The following RELN variants were observed in gnomAD, a reference collection of about 807,000 sequenced individuals.
The protein encoded by RELN is reelin.
RELN carries 108 observed loss-of-function variants against 427.6 expected under a neutral mutation model. The ratio of observed to expected loss-of-function variants is 0.25; its 90% CI spans 0.22 to 0.30. The LOEUF (loss-of-function observed/expected upper bound fraction) is 0.30. RELN is among the 10% of genes least tolerant of loss of function. The pLI is 1.00. For synonymous variants in RELN, 1,524 were observed against 1,513.4 expected (o/e 1.01, Z -0.16); for missense variants, 3,715 against 4,302.8 (o/e 0.86, Z 3.82).
At chr7:103,490,047 G>A (rs2116999864) in intron 59 of RELN, 148 bp from the exon 60 acceptor site, 1 of 892,152 alleles carries the variant, frequency 1.1e-6, no homozygotes, top group Non-Finnish European at 1.8e-6. Context: ...AGAGGTGAGA[G>A]AACTTGTATT....
chr7:103,748,260 G>C (rs2116058459), intron 6 of RELN, among the ~76,000 whole-genome samples: 1 of 151,226 alleles, frequency 6.6e-6, no homozygotes, highest in East Asian at 1.9e-4. Flanking sequence ...TAAAGTATAA[G>C]ACTTTATGAC....
intron 8 of RELN, among the ~76,000 whole-genome samples, chr7:103,710,738 G>T: frequency 6.6e-6 from 1 of 152,160 alleles, no homozygotes; most frequent in Non-Finnish European, 1.5e-5. Flanking sequence ...GTTGTCACAG[G>T]AAAGGTGATT....
intron 45 of RELN, among the ~76,000 whole-genome samples, chr7:103,538,320 GGAA>G (rs3842179): frequency 0.061 from 9,268 of 152,178 alleles, 435 homozygotes; most frequent in East Asian, 0.19. Context: ...TTTGTCTGTT[GGAA>G]GAAGAGTTAT....
intron 41 of RELN, 110 bp from the exon 42 acceptor site, chr7:103,545,454 CAAGA>C: frequency 1.3e-6 from 1 of 754,380 alleles, no homozygotes; most frequent in Non-Finnish European, 2.3e-6. Context: ...GCTCAACACC[CAAGA>C]AATAGAAAAC....
intron 3 of RELN, among the ~76,000 whole-genome samples, chr7:103,807,580 C>T (rs1020250704): frequency 2.0e-5 from 3 of 152,172 alleles, no homozygotes; most frequent in East Asian, 1.9e-4. Flanking sequence ...AGCATAGTCC[C>T]GATAGGTAGC....
chr7:103,969,025 C>T (rs1301601921), intron 1 of RELN, among the ~76,000 whole-genome samples: 2 of 152,108 alleles, frequency 1.3e-5, no homozygotes, highest in Non-Finnish European at 2.9e-5. Flanking sequence ...ATACTAGTAC[C>T]TACCTCATAA....
chr7:103,577,558 CAAA>C (rs11323336), intron 28 of RELN, among the ~76,000 whole-genome samples: 38 of 113,524 alleles, frequency 3.3e-4, no homozygotes, highest in Non-Finnish European at 3.4e-4. Flanking sequence ...AAAGCAAAAG[CAAA>C]AAAAAAAAAA....
intron 1 of RELN, among the ~76,000 whole-genome samples, chr7:103,961,677 C>T (rs1249902267): frequency 1.3e-5 from 2 of 152,126 alleles, no homozygotes; most frequent in South Asian, 2.1e-4. Flanking sequence ...CCTCGTGGGT[C>T]TGAATTCTGC....
Position 103,962,651 on chromosome 7 carries a change from T to C in RELN, c.226+26480A>G, listed in dbSNP as rs532751657. ...GATTTTCCATTCCAAAGTTGTTGTG[T>C]GTGTGTGTGTGTGTGTGTGTGTGTG... On this transcript the variant is annotated intron_variant, in intron 1 of 64. Coordinates refer to ENST00000428762, the MANE Select transcript of RELN (RefSeq NM_005045.4). Among the ~76,000 whole-genome samples, 6 of 15,224 alleles carry C rather than the reference T, an allele frequency of 3.9e-4. No individual in the cohort carries two copies. In the South Asian group the frequency reaches 7.8e-3, roughly 20 times the overall value. The allele number at this position is 15,224 out of a possible 152,430, so 10.0% of individuals were successfully genotyped here.
chr7:103,832,991 G>T (rs1456889283), intron 3 of RELN, among the ~76,000 whole-genome samples: 1 of 152,028 alleles, frequency 6.6e-6, no homozygotes, highest in Non-Finnish European at 1.5e-5. Flanking sequence ...TTTAAAAATT[G>T]ATAACACTTA....
At chr7:103,934,680 C>T (rs1365045584) in intron 1 of RELN, among the ~76,000 whole-genome samples, 1 of 152,214 alleles carries the variant, frequency 6.6e-6, no homozygotes, top group African/African-American at 2.4e-5. Flanking sequence ...ATTGGCAGCA[C>T]ATGCTCCTGT....
At chr7:103,559,225 T>G (rs1449466421) in intron 36 of RELN, among the ~76,000 whole-genome samples, 2 of 152,256 alleles carry the variant, frequency 1.3e-5, no homozygotes, top group Non-Finnish European at 2.9e-5. Context: ...TGTCGGATTC[T>G]AAAACGTCTA....
chr7:103,494,364 T>TTTGTG (rs1828762212), intron 57 of RELN, among the ~76,000 whole-genome samples: 1 of 142,946 alleles, frequency 7.0e-6, no homozygotes, highest in Non-Finnish European at 1.5e-5. Context: ...TGTAATGACT[T>TTTGTG]TTGTGTGTGT....
intron 57 of RELN, among the ~76,000 whole-genome samples, chr7:103,493,735 T>G (rs1204708241): frequency 6.6e-6 from 1 of 152,076 alleles, no homozygotes; most frequent in Non-Finnish European, 1.5e-5. Context: ...CCCAGAAGCC[T>G]AGGGGAAAGA....
rs190013589 is a variant in RELN at position 103,840,411 on chromosome 7, A to G, written c.338-6739T>C. The stretch of plus-strand genomic sequence containing the variant: ...GATGGTTCCCTCAGTTCTGTTACAC[A>G]CTACTGTATGACCTCTGTCAGGACA... On this transcript the variant is annotated intron_variant, in intron 2 of 64. Coordinates refer to ENST00000428762, the MANE Select transcript of RELN (RefSeq NM_005045.4). Among the ~76,000 whole-genome samples, 260 of 152,338 alleles carry G rather than the reference A, an allele frequency of 1.7e-3. 1 individual carries two copies. Among genetic ancestry groups the G allele is most frequent in the African/African-American group, 5.8e-3 (240 of 41,586 alleles).
chr7:103,594,567 A>G, intron 25 of RELN, 75 bp from the exon 26 acceptor site: 3 of 1,468,212 alleles, frequency 2.0e-6, no homozygotes, highest in Middle Eastern at 1.9e-4. Flanking sequence ...TAAAACAACA[A>G]GGGTAACAAC....
intron 12 of RELN, among the ~76,000 whole-genome samples, chr7:103,656,081 T>G (rs1219804592): frequency 6.6e-6 from 1 of 152,056 alleles, no homozygotes; most frequent in Non-Finnish European, 1.5e-5. Context: ...TTGACTGCAG[T>G]AACCTCATTA....
In RELN at chr7:103,535,470, ATTCCAAT is replaced by A. The variant is rs756032823; in HGVS notation, c.7188_7194del (p.Glu2396AspfsTer4). 6.2e-7 allele frequency: 1 copy of A among 1,614,008 alleles called. No individual in the cohort carries two copies. The highest frequency in any genetic ancestry group is 8.5e-7 in the Non-Finnish European group (1 of 1,179,884). ...CATGACAATCCAAGATCTACTGAGTATTCCAATTCAATCGCTGAAACAGGAAACATTA... is the reference window on the plus strand; with the variant it reads ...CATGACAATCCAAGATCTACTGAGTATCAATCGCTGAAACAGGAAACATTA... On this transcript the variant is annotated frameshift_variant, in exon 46 of 65. Coordinates refer to ENST00000428762, the MANE Select transcript of RELN (RefSeq NM_005045.4). LOFTEE classifies it high-confidence loss of function.
chr7:103,499,804 T>C (rs1220400985), intron 53 of RELN, among the ~76,000 whole-genome samples: 7 of 152,192 alleles, frequency 4.6e-5, no homozygotes, highest in African/African-American at 1.7e-4. Flanking sequence ...TACAATTTCT[T>C]ATCCAACTGA....
Sources: gnomAD v4.1 joint callset for allele counts (sites outside exome capture counted in the v4.1 genomes callset) on GRCh38, gnomAD v4.1.1 for gene constraint, MANE v1.5 for transcripts, NCBI Gene and HGNC (gene_info 2026-07-23, HGNC 2026-07-21) for gene names.